CSMD2: variants seen among roughly 807,000 people sequenced by gnomAD.
The protein encoded by CSMD2 is CUB and Sushi multiple domains 2, also known as CUB and sushi domain-containing protein 2.
CSMD2 carries 130 observed loss-of-function variants against 398.5 expected under a neutral mutation model. The ratio of observed to expected loss-of-function variants is 0.33; its 90% CI spans 0.28 to 0.38. The LOEUF is 0.38. Among genes scored for constraint, CSMD2 ranks in the 10% least tolerant of loss-of-function variants. CSMD2 has a pLI of 1.00. For missense variants in CSMD2, 3,829 were observed against 4,764.9 expected, an observed-to-expected ratio of 0.80 and a Z score of 5.78; for synonymous variants, 1,828 against 1,908.5, an observed-to-expected ratio of 0.96 and a Z score of 1.10.
Position 34,032,846 on chromosome 1 carries a change from CAG to C in CSMD2, c.405-142_405-141del. On this transcript the variant is annotated intron_variant, in intron 2 of 70. Transcript: ENST00000373381. ...TGTTCAAAGACAAAGTGATTCTCAG[CAG>C]AGGTGATGAAAACCAGCAGGCTTCT... 6.5e-6 allele frequency: 4 copies of C among 614,916 alleles called. No homozygotes were observed. The South Asian group carries it at 8.2e-5, about 13-fold the overall frequency. The allele number at this position is 614,916 out of a possible 1,614,324, so 38.1% of individuals were successfully genotyped here.
At chr1:34,159,236 A>G (rs780592270) in intron 1 of CSMD2, among the ~76,000 whole-genome samples, 3 of 152,214 alleles carry the variant, frequency 2.0e-5, no homozygotes, top group Non-Finnish European at 4.4e-5. Flanking sequence ...GACTCTGACA[A>G]CAAAGGAAAT....
At chr1:33,809,204 C>T (rs1243782015) in intron 10 of CSMD2, among the ~76,000 whole-genome samples, 2 of 151,750 alleles carry the variant, frequency 1.3e-5, no homozygotes, top group African/African-American at 2.4e-5. Context: ...TATATTGACA[C>T]AAAAATTGGC....
At chr1:34,113,170 C>T (rs1661261353) in intron 1 of CSMD2, 1 of 152,256 alleles carries the variant, frequency 6.6e-6, no homozygotes, top group South Asian at 2.1e-4. Context: ...ATGGTTGTGT[C>T]TCTGAGCTTC....
In CSMD2 at chr1:33,743,590, G is replaced by T; in HGVS notation, c.1863C>A (p.Asn621Lys). Residue 621 changes from asparagine to lysine, a missense_variant, in exon 14 of 71, where the codon AAC becomes AAA. Asn to Lys is a moderately conservative substitution (Grantham distance 94). Around this residue, in one of 5 missense-constraint regions of CSMD2, gnomAD observed 2,001 missense variants for 2,567.1 expected, o/e 0.78. Transcript: ENST00000373381. Reference protein sequence around the residue: ...KPGCVFSCFFNFTSPSGVVLS... With the variant: ...KPGCVFSCFFKFTSPSGVVLS... ...GGACAACCCCAGACGGGCTGGTGAA[G>T]TTGAAGAAGCAGGAGACTGCAAGAG... 1 of 1,600,572 alleles carries T rather than the reference G, an allele frequency of 6.2e-7. No homozygotes were observed. The highest frequency in any genetic ancestry group is 8.5e-7 in the Non-Finnish European group (1 of 1,170,588).
intron 44 of CSMD2, among the ~76,000 whole-genome samples, chr1:33,598,294 A>T (rs769460540): frequency 3.5e-4 from 53 of 152,174 alleles, no homozygotes; most frequent in Non-Finnish European, 6.5e-4. Flanking sequence ...TGAGGCATGG[A>T]ATGTGCCTCT....
intron 9 of CSMD2, among the ~76,000 whole-genome samples, chr1:33,816,764 A>G (rs752727008): frequency 2.6e-5 from 4 of 152,186 alleles, no homozygotes; most frequent in Non-Finnish European, 5.9e-5. Context: ...TTCATATCTC[A>G]AAATGAGGGC....
intron 62 of CSMD2, among the ~76,000 whole-genome samples, chr1:33,536,638 G>T (rs1224995026): frequency 6.6e-6 from 1 of 152,200 alleles, no homozygotes; most frequent in Non-Finnish European, 1.5e-5. Flanking sequence ...ATGCCAACAG[G>T]CCTGCCTCCT....
At chr1:33,921,349 T>C (rs1032135449) in intron 4 of CSMD2, among the ~76,000 whole-genome samples, 1 of 151,934 alleles carries the variant, frequency 6.6e-6, no homozygotes, top group Admixed American at 6.5e-5. Context: ...GCAGAGTTTG[T>C]CGCCTTCTGA....
At chr1:33,771,146 A>G (rs912165329) in intron 13 of CSMD2, among the ~76,000 whole-genome samples, 1 of 152,036 alleles carries the variant, frequency 6.6e-6, no homozygotes, top group Non-Finnish European at 1.5e-5. Context: ...GCCTTGTTTT[A>G]TCTAGATGGA....
intron 1 of CSMD2, among the ~76,000 whole-genome samples, chr1:34,156,356 G>A (rs184382440): frequency 6.6e-6 from 1 of 152,158 alleles, no homozygotes; most frequent in Admixed American, 6.5e-5. Flanking sequence ...ACCTCCCGAG[G>A]CCTGAGTCGA....
rs1655935431 is a variant in CSMD2 at position 33,537,680 on chromosome 1, C to T, written c.9632-71G>A. ...ACCCAATCTTCCAGTCCCACACCCC[C>T]ATCTTTGTTCTTTGCACTGCTCCCT... On this transcript the variant is annotated intron_variant, in intron 60 of 70. Coordinates refer to ENST00000373381, the MANE Select transcript of CSMD2 (RefSeq NM_001281956.2). The surrounding 1 kb of genome is among the most constrained non-coding windows in gnomAD (Gnocchi z 4.6). 2 of 1,475,080 alleles carry T rather than the reference C, an allele frequency of 1.4e-6. No individual in the cohort carries two copies. The highest frequency in any genetic ancestry group is 2.8e-5 in the African/African-American group (2 of 72,140). The allele number at this position is 1,475,080 out of a possible 1,614,324, so 91.4% of individuals were successfully genotyped here. A position where few individuals can be genotyped will look rare whatever the true frequency, so the allele number is the denominator to read the frequency against.
chr1:33,576,751 G>T (rs1638267766), intron 49 of CSMD2, among the ~76,000 whole-genome samples: 1 of 151,540 alleles, frequency 6.6e-6, no homozygotes. Context: ...GTTAACAGTG[G>T]TGATCTCAGG....
At chr1:33,540,784 T>G in intron 59 of CSMD2, 86 bp from the exon 60 acceptor site, 1 of 1,453,962 alleles carries the variant, frequency 6.9e-7, no homozygotes, top group Non-Finnish European at 9.5e-7. Context: ...CCGACTACCC[T>G]GCACCCACCT....
intron 22 of CSMD2, among the ~76,000 whole-genome samples, chr1:33,707,546 T>G (rs1244718877): frequency 6.6e-6 from 1 of 152,224 alleles, no homozygotes; most frequent in Non-Finnish European, 1.5e-5. Flanking sequence ...AAAGCAGAGC[T>G]TAAGAAGCCA....
intron 64 of CSMD2, among the ~76,000 whole-genome samples, chr1:33,529,150 T>C (rs182806191): frequency 4.6e-5 from 7 of 152,316 alleles, no homozygotes; most frequent in Non-Finnish European, 7.3e-5. Context: ...AACAATTTAT[T>C]TTTATTTAGA....
At chr1:34,086,156 C>T (rs1386468369) in intron 2 of CSMD2, among the ~76,000 whole-genome samples, 1 of 152,198 alleles carries the variant, frequency 6.6e-6, no homozygotes, top group African/African-American at 2.4e-5. Context: ...TTGCCTCTAG[C>T]TGTCCATACC....
chr1:34,133,017 T>C (rs567228208), intron 1 of CSMD2, among the ~76,000 whole-genome samples: 70 of 151,788 alleles, frequency 4.6e-4, no homozygotes, highest in African/African-American at 1.6e-3. Flanking sequence ...CTAATACAGC[T>C]TTCAAATTAA....
intron 9 of CSMD2, 105 bp downstream of exon 9, chr1:33,819,593 TGAGGGGGGAGGGGAG>T: frequency 1.2e-6 from 1 of 815,992 alleles, no homozygotes; most frequent in Admixed American, 2.5e-5. Flanking sequence ...GTGCAGGGAG[TGAGGGGGGAGGGGAG>T]CCAGTCTGCT....
At chr1:33,648,595 A>G (rs1017150745) in intron 28 of CSMD2, among the ~76,000 whole-genome samples, 1 of 152,130 alleles carries the variant, frequency 6.6e-6, no homozygotes, top group Admixed American at 6.5e-5. Context: ...TGCTCCAGAC[A>G]TTTTGTGGTT....
Sources: gnomAD v4.1 joint callset for allele counts (sites outside exome capture counted in the v4.1 genomes callset) on GRCh38, gnomAD v4.1.1 for gene constraint, gnomAD v4.1.1 regional missense constraint, Gnocchi (gnomAD v3.1) non-coding constraint, MANE v1.5 for transcripts, NCBI Gene and HGNC (gene_info 2026-07-23, HGNC 2026-07-21) for gene names.